CORO2B: variants seen among roughly 807,000 people sequenced by gnomAD.
CORO2B encodes coronin-2B.
Under a neutral mutation model 58.8 loss-of-function variants are expected in CORO2B, and 26 were observed. The ratio of observed to expected loss-of-function variants is 0.44; its 90% CI spans 0.32 to 0.61. The LOEUF (loss-of-function observed/expected upper bound fraction) is 0.61, where lower values mean the gene tolerates loss of function less well. CORO2B is among the 20% of genes least tolerant of loss of function. CORO2B has a pLI of 0.04. For synonymous variants in CORO2B, 242 were observed against 253.8 expected, an observed-to-expected ratio of 0.95 and a Z score of 0.44; for missense variants, 460 against 645.1, an observed-to-expected ratio of 0.71 and a Z score of 3.11.
intron 1 of CORO2B, among the ~76,000 whole-genome samples, chr15:68,617,132 G>T (rs965886022): frequency 2.6e-5 from 4 of 151,574 alleles, no homozygotes; most frequent in African/African-American, 9.7e-5. Flanking sequence ...CAGCCTTCAA[G>T]CCCGTGCTTT....
chr15:68,579,683 C>T (rs1899377121), intron 1 of CORO2B, among the ~76,000 whole-genome samples: 1 of 152,178 alleles, frequency 6.6e-6, no homozygotes, highest in South Asian at 2.1e-4. Flanking sequence ...GGGCCTGCCG[C>T]CCCGAGGAGG....
chr15:68,578,629 T>G (rs1899333887), upstream of CORO2B, among the ~76,000 whole-genome samples: 1 of 152,002 alleles, frequency 6.6e-6, no homozygotes, highest in South Asian at 2.1e-4. The surrounding 1 kb of genome is among the most constrained non-coding windows in gnomAD (Gnocchi z 4.2). Context: ...CCCGACCGCC[T>G]TCTTTGCCCG....
rs1325149956 is a variant in CORO2B, at chr15:68,709,381, A to G, written c.334-1351A>G. Among the ~76,000 whole-genome samples, 3 of 151,070 alleles carry G rather than the reference A, an allele frequency of 2.0e-5. No homozygotes were observed. In the East Asian group the frequency reaches 5.8e-4, roughly 29 times the overall value. On this transcript the variant is annotated intron_variant, in intron 3 of 11. Transcript: ENST00000261861. Reference sequence around the variant, plus strand: ...GCTATTTTAGCAGATTATAAATGGTATCTCAAAGCTGTTTTTCCTGTTTTT... The same window carrying G: ...GCTATTTTAGCAGATTATAAATGGTGTCTCAAAGCTGTTTTTCCTGTTTTT...
At chr15:68,682,514 C>T (rs1037504218) in intron 2 of CORO2B, among the ~76,000 whole-genome samples, 1 of 152,156 alleles carries the variant, frequency 6.6e-6, no homozygotes, top group African/African-American at 2.4e-5. Flanking sequence ...TAAGAGATCA[C>T]ATGGCCGCAG....
intron 2 of CORO2B, among the ~76,000 whole-genome samples, chr15:68,685,682 A>G (rs866461806): frequency 6.6e-6 from 1 of 152,234 alleles, no homozygotes; most frequent in African/African-American, 2.4e-5. Flanking sequence ...GCTCATTGAA[A>G]TCAATCCGGG....
At chr15:68,701,611 G>C (rs1049787795) in intron 3 of CORO2B, among the ~76,000 whole-genome samples, 2 of 146,528 alleles carry the variant, frequency 1.4e-5, no homozygotes, top group East Asian at 4.3e-4. Flanking sequence ...TCAGCCTCCC[G>C]TGTAGCTGGG....
At chr15:68,622,065 T>C (rs1408608028) in intron 1 of CORO2B, among the ~76,000 whole-genome samples, 8 of 152,210 alleles carry the variant, frequency 5.3e-5, no homozygotes, top group Non-Finnish European at 8.8e-5. Context: ...TGTGAGCCAC[T>C]ATTTGACCTT....
chr15:68,680,236 A>T (rs192339062), intron 2 of CORO2B, among the ~76,000 whole-genome samples: 87 of 152,214 alleles, frequency 5.7e-4, no homozygotes, highest in Admixed American at 5.0e-3. Context: ...TTGATCCTGA[A>T]TATAGACTGG....
intron 1 of CORO2B, among the ~76,000 whole-genome samples, 191 bp from the exon 2 acceptor site, chr15:68,644,969 A>G (rs1280071861): frequency 6.6e-6 from 1 of 152,160 alleles, no homozygotes; most frequent in Non-Finnish European, 1.5e-5. Context: ...AACCCACTAG[A>G]ACGGGCTGGG....
chr15:68,602,781 C>T (rs1172501056), intron 1 of CORO2B, among the ~76,000 whole-genome samples: 1 of 152,200 alleles, frequency 6.6e-6, no homozygotes, highest in East Asian at 1.9e-4. Context: ...CACTTTCTTC[C>T]TGAGAACACT....
intron 1 of CORO2B, among the ~76,000 whole-genome samples, chr15:68,641,759 C>T (rs527341995): frequency 1.3e-5 from 2 of 152,290 alleles, no homozygotes; most frequent in Admixed American, 6.5e-5. Context: ...GAGTTCGGCA[C>T]TGTCGCCCAG....
At chr15:68,566,119 A>G in the CORO2B span, among the ~76,000 whole-genome samples, 1 of 152,148 alleles carries the variant, frequency 6.6e-6, no homozygotes, top group Non-Finnish European at 1.5e-5. Flanking sequence ...GTTGGGGAGA[A>G]AGAGGATCCT....
chr15:68,650,193 A>G (rs1901586257), intron 2 of CORO2B, among the ~76,000 whole-genome samples: 1 of 151,916 alleles, frequency 6.6e-6, no homozygotes. Context: ...ACATGGAGAA[A>G]CCCCGTCTCT....
chr15:68,623,325 C>A (rs990419729), intron 1 of CORO2B, among the ~76,000 whole-genome samples: 1 of 152,154 alleles, frequency 6.6e-6, no homozygotes, highest in African/African-American at 2.4e-5. Context: ...AGCAATAGAG[C>A]AGGGGCCTTG....
chr15:68,630,078 A>G (rs888005390), intron 1 of CORO2B, among the ~76,000 whole-genome samples: 4 of 152,140 alleles, frequency 2.6e-5, no homozygotes, highest in African/African-American at 9.7e-5. Flanking sequence ...CCCACCAGGC[A>G]CCGTGCCAGA....
At chr15:68,566,480 G>C in the CORO2B span, among the ~76,000 whole-genome samples, 1 of 152,162 alleles carries the variant, frequency 6.6e-6, no homozygotes, top group Non-Finnish European at 1.5e-5. Flanking sequence ...TACCAAATGA[G>C]AGGTGCCTGC....
the CORO2B span, among the ~76,000 whole-genome samples, chr15:68,543,811 C>T: frequency 6.6e-6 from 1 of 152,166 alleles, no homozygotes; most frequent in East Asian, 1.9e-4. Flanking sequence ...GTCCCTCCCT[C>T]CACCCTCCTG....
the CORO2B span, among the ~76,000 whole-genome samples, chr15:68,553,525 C>T: frequency 1.8e-4 from 27 of 152,324 alleles, no homozygotes; most frequent in Admixed American, 7.2e-4. Flanking sequence ...GCCATGCCAA[C>T]GCCTTGGTTT....
chr15:68,712,703 G>T (rs1241541141), intron 5 of CORO2B, among the ~76,000 whole-genome samples: 1 of 152,106 alleles, frequency 6.6e-6, no homozygotes, highest in African/African-American at 2.4e-5. Flanking sequence ...TGTGCCCGGG[G>T]CTCTGCACAT....
Sources: allele counts gnomAD v4.1 joint callset (sites outside exome capture counted in the v4.1 genomes callset), GRCh38; gene constraint gnomAD v4.1.1; non-coding constraint Gnocchi (gnomAD v3.1); transcripts MANE v1.5; gene names NCBI Gene and HGNC (gene_info 2026-07-23, HGNC 2026-07-21).